Variants in LRBA observed in about 807,000 individuals in gnomAD.
LRBA encodes LPS responsive beige-like anchor protein, also known as lipopolysaccharide-responsive and beige-like anchor protein.
In LRBA, 176 loss-of-function variants were observed where a neutral mutation model predicts 330.0. The ratio of observed to expected loss-of-function variants is 0.53; its 90% CI spans 0.47 to 0.60. LRBA has a LOEUF of 0.60. Ranked by LOEUF, LRBA falls within the 20% of genes least tolerant of loss-of-function variation. The pLI is 0.00. For missense variants in LRBA, 3,259 were observed against 3,444.8 expected (o/e 0.95, Z 1.35); for synonymous variants, 1,230 against 1,193.0 (o/e 1.03, Z -0.64).
intron 53 of LRBA, among the ~76,000 whole-genome samples, chr4:150,295,096 A>C (rs541056799): frequency 2.0e-5 from 3 of 152,230 alleles, no homozygotes; most frequent in East Asian, 3.9e-4. Flanking sequence ...AATTCATATA[A>C]ATTCTGATAC....
intron 41 of LRBA, among the ~76,000 whole-genome samples, chr4:150,489,064 T>TAAG (rs1561249047): frequency 6.1e-5 from 6 of 97,814 alleles, no homozygotes; most frequent in African/African-American, 2.6e-4. Flanking sequence ...TAAGAATATA[T>TAAG]AATATATTAT....
intron 34 of LRBA, among the ~76,000 whole-genome samples, chr4:150,771,860 G>A (rs748720722): frequency 2.6e-5 from 4 of 152,136 alleles, no homozygotes; most frequent in Non-Finnish European, 5.9e-5. Flanking sequence ...GAAAGAGGCT[G>A]ACTAGTATCC....
chr4:150,317,094 T>A (rs1731819335), intron 50 of LRBA, among the ~76,000 whole-genome samples: 1 of 152,126 alleles, frequency 6.6e-6, no homozygotes, highest in African/African-American at 2.4e-5. Context: ...GTCCAGACAG[T>A]CTCAGCCAGC....
intron 36 of LRBA, among the ~76,000 whole-genome samples, chr4:150,688,317 A>C (rs963449515): frequency 5.3e-5 from 8 of 152,256 alleles, no homozygotes; most frequent in African/African-American, 1.9e-4. Context: ...GATGGATTAA[A>C]GATTTAAACG....
At chr4:150,345,205 CT>C (rs1177109115) in intron 48 of LRBA, among the ~76,000 whole-genome samples, 1 of 152,200 alleles carries the variant, frequency 6.6e-6, no homozygotes, top group Non-Finnish European at 1.5e-5. Flanking sequence ...TTTAGTTACA[CT>C]TATTTTCCCA....
At chr4:150,688,045 T>C (rs577821368) in intron 36 of LRBA, among the ~76,000 whole-genome samples, 1 of 152,256 alleles carries the variant, frequency 6.6e-6, no homozygotes, top group East Asian at 1.9e-4. Flanking sequence ...CTACCTGACT[T>C]CAAGCTATAC....
At chr4:150,394,144 C>T (rs892334196) in intron 47 of LRBA, among the ~76,000 whole-genome samples, 1 of 151,990 alleles carries the variant, frequency 6.6e-6, no homozygotes, top group Non-Finnish European at 1.5e-5. Flanking sequence ...CAATATTATT[C>T]CTATTCTAAA....
intron 2 of LRBA, among the ~76,000 whole-genome samples, chr4:150,949,176 A>G (rs1346787739): frequency 2.0e-5 from 3 of 152,144 alleles, no homozygotes; most frequent in Admixed American, 1.3e-4. Context: ...TAATAGCCAA[A>G]AAGTGGAAAT....
At chr4:151,014,270 C>T in intron 2 of LRBA, 157 bp downstream of exon 2, 1 of 593,558 alleles carries the variant, frequency 1.7e-6, no homozygotes, top group Non-Finnish European at 3.0e-6. Context: ...ATCTAAAAAA[C>T]AGATGAAATT....
rs1185580313 is a variant in LRBA at position 150,957,423 on chromosome 4, C to T, written c.217-28358G>A. 2.4e-4 allele frequency among the ~76,000 whole-genome samples: 36 copies of T among 148,398 alleles called. 1 individual carries two copies. The highest frequency in any genetic ancestry group is 2.4e-3 in the Admixed American group (36 of 15,146). ...AGAGAACAGCACGGAAAGACCTGCC[C>T]CCATGATTCAATTACCTCCCACTGG... On this transcript the variant is annotated intron_variant, in intron 2 of 56. Coordinates refer to ENST00000651943, the MANE Select transcript of LRBA (RefSeq NM_001364905.1).
chr4:151,014,740 C>A lies in LRBA; in HGVS notation c.-98G>T, dbSNP rs1745241739. The A allele has an allele frequency of 3.9e-6, 3 of 765,818 alleles. No individual in the cohort carries two copies. The highest frequency in any genetic ancestry group is 6.3e-6 in the Non-Finnish European group (3 of 473,584). 47.4% of individuals were successfully genotyped at this position (765,818 alleles called of 1,614,324 possible). Reference sequence around the variant, plus strand: ...ACACGCAATGCAAAACGAAAGGGTCCCTCTTCCAACTTGTGGAGATACCCC... The same window carrying A: ...ACACGCAATGCAAAACGAAAGGGTCACTCTTCCAACTTGTGGAGATACCCC... On this transcript the variant is annotated 5_prime_UTR_variant, in exon 2 of 57. Transcript: ENST00000651943.
rs532289025 is a variant in LRBA, at chr4:150,806,269, A to G, written c.5518+2T>C. On this transcript the variant is annotated splice_donor_variant, in intron 33 of 56. Transcript: ENST00000651943. LOFTEE classifies it high-confidence loss of function. ...CAAATAAAATAAAGAAAAACCACTT[A>G]CTTGTTCCTTCTATAAGCAGTTCTT... 4.1e-5 allele frequency: 64 copies of G among 1,562,818 alleles called. No individual in the cohort carries two copies. In the South Asian group the frequency reaches 7.3e-4, roughly 18 times the overall value.
At chr4:150,764,369 T>C (rs956390223) in intron 34 of LRBA, among the ~76,000 whole-genome samples, 2 of 152,012 alleles carry the variant, frequency 1.3e-5, no homozygotes, top group Non-Finnish European at 2.9e-5. Flanking sequence ...ACTGTCTTTG[T>C]TGATGACATA....
intron 41 of LRBA, among the ~76,000 whole-genome samples, chr4:150,489,285 TAAG>T (rs1412654868): frequency 3.4e-5 from 2 of 58,932 alleles, no homozygotes; most frequent in African/African-American, 7.3e-5. Flanking sequence ...ATATTATATA[TAAG>T]AATATATAAT....
intron 36 of LRBA, among the ~76,000 whole-genome samples, chr4:150,712,085 C>T (rs546755323): frequency 1.4e-4 from 21 of 152,182 alleles, no homozygotes; most frequent in Non-Finnish European, 2.4e-4. Context: ...TATACTGTAG[C>T]GATTAAAAGA....
intron 52 of LRBA, among the ~76,000 whole-genome samples, chr4:150,303,493 C>G (rs1729939045): frequency 6.6e-6 from 1 of 152,180 alleles, no homozygotes; most frequent in Non-Finnish European, 1.5e-5. Flanking sequence ...TACTATATAT[C>G]TAGGGCTTCA....
intron 37 of LRBA, among the ~76,000 whole-genome samples, chr4:150,609,607 T>C (rs1424305400): frequency 6.6e-6 from 1 of 152,154 alleles, no homozygotes; most frequent in African/African-American, 2.4e-5. Flanking sequence ...ACCTAACAGA[T>C]ACATGGATTA....
intron 40 of LRBA, among the ~76,000 whole-genome samples, chr4:150,568,016 G>C (rs1038384742): frequency 3.3e-5 from 5 of 152,060 alleles, no homozygotes; most frequent in Non-Finnish European, 5.9e-5. Flanking sequence ...AGTTCAAAGA[G>C]AGCACTTGCC....
intron 47 of LRBA, among the ~76,000 whole-genome samples, chr4:150,376,157 T>C (rs1741285139): frequency 6.6e-6 from 1 of 152,204 alleles, no homozygotes; most frequent in African/African-American, 2.4e-5. Context: ...GATTTTACTA[T>C]GAAGTAATGC....
Sources: allele counts gnomAD v4.1 joint callset (sites outside exome capture counted in the v4.1 genomes callset), GRCh38; gene constraint gnomAD v4.1.1; transcripts MANE v1.5; gene names NCBI Gene and HGNC (gene_info 2026-07-23, HGNC 2026-07-21).